UNC13C: variants seen among roughly 807,000 people sequenced by gnomAD.
UNC13C encodes unc-13 homolog C, also known as protein unc-13 homolog C.
A neutral mutation model predicts 245.4 loss-of-function variants in UNC13C; 174 were observed. The ratio of observed to expected loss-of-function variants is 0.71; its 90% CI spans 0.63 to 0.80. UNC13C has a LOEUF of 0.80. Ranked by LOEUF, UNC13C falls within the 30% of genes least tolerant of loss-of-function variation. The probability of loss-of-function intolerance (pLI) is 0.00; values close to 1 mark genes in which losing one functional copy is unlikely to be tolerated. For missense variants in UNC13C, 2,829 were observed against 2,602.9 expected, an observed-to-expected ratio of 1.09 and a Z score of -1.89; for synonymous variants, 992 against 895.1, an observed-to-expected ratio of 1.11 and a Z score of -1.93.
At chr15:54,005,021 C>A (rs2217413) in intron 1 of UNC13C, among the ~76,000 whole-genome samples, 1 of 151,948 alleles carries the variant, frequency 6.6e-6, no homozygotes, top group Non-Finnish European at 1.5e-5. Context: ...GATGTGACTC[C>A]ATTTCTCCAT....
intron 29 of UNC13C, among the ~76,000 whole-genome samples, chr15:54,564,863 A>C (rs1358362922): frequency 6.6e-6 from 1 of 151,984 alleles, no homozygotes; most frequent in Non-Finnish European, 1.5e-5. Flanking sequence ...AGGCAGCACA[A>C]GTTTAGTGAT....
chr15:54,381,773 T>C (rs991060700), intron 17 of UNC13C, among the ~76,000 whole-genome samples: 3 of 152,130 alleles, frequency 2.0e-5, no homozygotes, highest in African/African-American at 7.2e-5. Context: ...AAAAATATCT[T>C]TTAAAAAGAT....
chr15:54,002,441 A>C (rs1412968115), intron 1 of UNC13C, among the ~76,000 whole-genome samples: 1 of 152,090 alleles, frequency 6.6e-6, no homozygotes, highest in Non-Finnish European at 1.5e-5. Context: ...GTTGTTTTCA[A>C]GATACAGATT....
chr15:54,403,614 G>A (rs887032529), intron 18 of UNC13C, among the ~76,000 whole-genome samples: 3 of 150,340 alleles, frequency 2.0e-5, no homozygotes, highest in East Asian at 4.0e-4. Flanking sequence ...TATTAGGGAG[G>A]CTGAGGCGGA....
At chr15:54,243,179 G>T (rs112733540) in intron 7 of UNC13C, among the ~76,000 whole-genome samples, 9 of 90,660 alleles carry the variant, frequency 9.9e-5, no homozygotes, top group Non-Finnish European at 4.1e-5. Context: ...ATTCCCCGCC[G>T]CATGTCCACG....
At chr15:54,174,927 A>C (rs575620653) in intron 4 of UNC13C, among the ~76,000 whole-genome samples, 11 of 152,356 alleles carry the variant, frequency 7.2e-5, no homozygotes, top group African/African-American at 2.4e-4. Flanking sequence ...AATCGGAAGG[A>C]ACCTCACATG....
chr15:54,309,684 G>A (rs1218454481), intron 13 of UNC13C, among the ~76,000 whole-genome samples: 1 of 151,802 alleles, frequency 6.6e-6, no homozygotes, highest in Non-Finnish European at 1.5e-5. Flanking sequence ...ATTTTATATG[G>A]TGTGGGATAA....
At chr15:53,919,727 C>A in the UNC13C span, among the ~76,000 whole-genome samples, 1 of 152,232 alleles carries the variant, frequency 6.6e-6, no homozygotes, top group African/African-American at 2.4e-5. Context: ...TACTCACAGT[C>A]TTCATTCAAA....
chr15:54,176,631 G>T (rs1386751020), intron 4 of UNC13C, among the ~76,000 whole-genome samples: 3 of 151,968 alleles, frequency 2.0e-5, no homozygotes, highest in East Asian at 1.9e-4. Flanking sequence ...TAAAACCAGG[G>T]AGCATGAAAC....
chr15:54,626,557 C>T (rs28704578), intron 32 of UNC13C, among the ~76,000 whole-genome samples: 16,975 of 152,040 alleles, frequency 0.11, 1,009 homozygotes, highest in Middle Eastern at 0.22. Context: ...CCAACTCCAC[C>T]GCACCCGCAA....
At chr15:54,199,226 T>C (rs1190395395) in intron 4 of UNC13C, among the ~76,000 whole-genome samples, 2 of 152,132 alleles carry the variant, frequency 1.3e-5, no homozygotes, top group Non-Finnish European at 2.9e-5. Context: ...ATAATTGGTG[T>C]TTCCACAGAA....
At chr15:54,025,374 T>C (rs946729846) in intron 2 of UNC13C, among the ~76,000 whole-genome samples, 1 of 152,350 alleles carries the variant, frequency 6.6e-6, no homozygotes, top group East Asian at 1.9e-4. Context: ...CTGGGTAACA[T>C]TTATTAATTC....
chr15:54,306,798 A>G (rs1182402190), intron 13 of UNC13C, among the ~76,000 whole-genome samples: 3 of 151,962 alleles, frequency 2.0e-5, no homozygotes, highest in Non-Finnish European at 4.4e-5. Context: ...ATGTGCTTAC[A>G]AAACAACCTG....
upstream of UNC13C, among the ~76,000 whole-genome samples, chr15:53,976,457 TTC>T (rs148861102): frequency 8.3e-4 from 84 of 100,998 alleles, 2 homozygotes; most frequent in Middle Eastern, 5.1e-3. Flanking sequence ...TTTTTCTTCT[TTC>T]TCTCTCTCTC....
chr15:54,042,775 C>A (rs570245941), intron 2 of UNC13C, among the ~76,000 whole-genome samples: 8 of 152,172 alleles, frequency 5.3e-5, no homozygotes, highest in Admixed American at 3.9e-4. Context: ...ATGGCGTGAA[C>A]CCGGGAGGTG....
chr15:54,134,365 A>G (rs527681361), intron 2 of UNC13C, among the ~76,000 whole-genome samples: 3 of 151,342 alleles, frequency 2.0e-5, no homozygotes, highest in East Asian at 3.9e-4. Flanking sequence ...CTCTAGATTA[A>G]TCAATCTTGT....
At chr15:54,552,479 ATAATTATATATTATATTAT>A (rs1896804788) in intron 28 of UNC13C, among the ~76,000 whole-genome samples, 1 of 41,964 alleles carries the variant, frequency 2.4e-5, no homozygotes, top group African/African-American at 1.4e-4. Flanking sequence ...AATATATAAT[ATAATTATATATTATATTAT>A]ATATAATTAT....
chr15:54,126,683 G>A (rs1364084091), intron 2 of UNC13C, among the ~76,000 whole-genome samples: 1 of 152,034 alleles, frequency 6.6e-6, no homozygotes, highest in East Asian at 1.9e-4. Flanking sequence ...CAAAAGCGAT[G>A]GCAACAAAAG....
chr15:54,297,399 G>A (rs2037464468), intron 11 of UNC13C, among the ~76,000 whole-genome samples: 1 of 151,996 alleles, frequency 6.6e-6, no homozygotes, highest in South Asian at 2.1e-4. Context: ...GTTAGACAAG[G>A]TGAAGTGCCC....
Sources: allele counts gnomAD v4.1 joint callset (sites outside exome capture counted in the v4.1 genomes callset), GRCh38; gene constraint gnomAD v4.1.1; transcripts MANE v1.5; gene names NCBI Gene and HGNC (gene_info 2026-07-23, HGNC 2026-07-21).